The following DNAH11 variants were observed in gnomAD, a reference collection of about 807,000 sequenced individuals.
DNAH11 encodes the protein axonemal beta dynein heavy chain 11.
A neutral mutation model predicts 526.0 loss-of-function variants in DNAH11; 442 were observed. That is an observed-to-expected ratio of 0.84 (90% CI 0.78 to 0.91). DNAH11 has a LOEUF of 0.91. Ranked by LOEUF, DNAH11 falls within the 40% of genes least tolerant of loss-of-function variation. The pLI, the probability that DNAH11 is intolerant of heterozygous loss-of-function variation, is 0.00. For missense variants in DNAH11, 6,989 were observed against 5,448.7 expected (o/e 1.28, Z -8.90); for synonymous variants, 2,461 against 1,935.9 (o/e 1.27, Z -7.12).
At position 21,807,885 on chromosome 7, in the gene DNAH11, A is replaced by G; in HGVS notation, c.10168A>G (p.Lys3390Glu). 1 of 1,591,602 alleles carries G rather than the reference A, an allele frequency of 6.3e-7. No individual in the cohort carries two copies. Among genetic ancestry groups the G allele is most frequent in the Non-Finnish European group, 8.6e-7 (1 of 1,162,630 alleles). Residue 3390 changes from lysine (K) to glutamate (E), a missense_variant and splice_region_variant, in exon 63 of 82, where the codon AAG becomes GAG. Lys to Glu is a moderately conservative substitution (Grantham distance 56). Transcript: ENST00000409508. Reference sequence around the variant, plus strand: ...GAGTAATTTCATCTTTCAGTCAGAGAAGATTCGCTGGGGTCAATCCATTAA... The same window carrying G: ...GAGTAATTTCATCTTTCAGTCAGAGGAGATTCGCTGGGGTCAATCCATTAA... ...NRLVKELEAK[K>E]IRWGQSIKSF...
chr7:21,726,793 G>A lies in DNAH11; in HGVS notation c.7440+809G>A, dbSNP rs543944082. ...GGAGAGTCGCTTGAACCTGGGAGGC[G>A]GAGGTCGCGGTGAGCCGAGATCGCG... On this transcript the variant is annotated intron_variant, in intron 45 of 81. Transcript: ENST00000409508. 2.2e-3 allele frequency among the ~76,000 whole-genome samples: 310 copies of A among 138,488 alleles called. 1 individual carries two copies. Among genetic ancestry groups the A allele is most frequent in the African/African-American group, 7.9e-3 (289 of 36,790 alleles). 90.9% of individuals were successfully genotyped at this position (138,488 alleles called of 152,430 possible). A position where few individuals can be genotyped will look rare whatever the true frequency, so the allele number is the denominator to read the frequency against.
At chr7:21,604,995 G>A (rs1785228855) in intron 18 of DNAH11, among the ~76,000 whole-genome samples, 2 of 152,170 alleles carry the variant, frequency 1.3e-5, no homozygotes, top group South Asian at 2.1e-4. Context: ...TCACCAAATT[G>A]TCTCCCAACT....
At chr7:21,765,610 T>TCACACACACACACACACACACA (rs3219983) in intron 55 of DNAH11, 21 bp downstream of exon 55, 14 of 956,504 alleles carry the variant, frequency 1.5e-5, no homozygotes, top group Admixed American at 8.2e-5. Flanking sequence ...TCAGCCTGCG[T>TCACACACACACACACACACACA]CACACACACA....
intron 45 of DNAH11, 134 bp from the exon 46 acceptor site, chr7:21,735,506 C>G (rs1785562760): frequency 1.3e-6 from 1 of 766,884 alleles, no homozygotes; most frequent in African/African-American, 1.8e-5. Flanking sequence ...GGGTGCTAAT[C>G]TGAACTATGA....
chr7:21,861,908 T>G lies in DNAH11; in HGVS notation c.11258T>G (p.Met3753Arg). 6.2e-7 allele frequency: 1 copy of G among 1,613,592 alleles called. No individual in the cohort carries two copies. Among genetic ancestry groups the G allele is most frequent in the Non-Finnish European group, 8.5e-7 (1 of 1,179,738 alleles). Residue 3753 changes from methionine to arginine, a missense_variant, in exon 69 of 82, where the codon ATG becomes AGG. Met to Arg is a moderately conservative substitution (Grantham distance 91). Transcript: ENST00000409508. ...GAGCAGGCTGACAAGGTGGAAGACA[T>G]GCAGGGACGCATCTCTATCCTGATG... is the stretch of plus-strand genomic sequence containing the variant. ...AIEQADKVED[M>R]QGRISILMES...
intron 30 of DNAH11, among the ~76,000 whole-genome samples, chr7:21,675,414 G>A (rs548970622): frequency 6.6e-6 from 1 of 152,262 alleles, no homozygotes; most frequent in African/African-American, 2.4e-5. Context: ...CCTAAATCCT[G>A]CTCATTCTTT....
At chr7:21,757,165 A>G (rs1013393869) in intron 54 of DNAH11, among the ~76,000 whole-genome samples, 1 of 152,192 alleles carries the variant, frequency 6.6e-6, no homozygotes, top group Admixed American at 6.5e-5. Flanking sequence ...TAGACAGATC[A>G]TCTTTTGATT....
intron 5 of DNAH11, among the ~76,000 whole-genome samples, chr7:21,563,929 T>C (rs984109675): frequency 1.3e-5 from 2 of 152,088 alleles, no homozygotes; most frequent in Non-Finnish European, 2.9e-5. Context: ...TCCCCTTGGG[T>C]TTTCCATCAC....
chr7:21,755,562 A>C (rs1261642079), intron 54 of DNAH11, among the ~76,000 whole-genome samples: 1 of 152,168 alleles, frequency 6.6e-6, no homozygotes, highest in Non-Finnish European at 1.5e-5. Context: ...TGTTCATTGG[A>C]GAGAATTTAA....
At chr7:21,606,831 C>G (rs1785308479) in intron 20 of DNAH11, 98 bp downstream of exon 20, 1 of 1,068,876 alleles carries the variant, frequency 9.4e-7, no homozygotes, top group Non-Finnish European at 1.4e-6. Flanking sequence ...CTTTGTTTTG[C>G]TGTTATAGGA....
chr7:21,573,032 G>A (rs902506476), intron 8 of DNAH11, among the ~76,000 whole-genome samples: 1 of 152,164 alleles, frequency 6.6e-6, no homozygotes, highest in African/African-American at 2.4e-5. Flanking sequence ...GTGAGACTGA[G>A]CCTGCACAAG....
At chr7:21,688,689 TA>T (rs1783486334) in intron 34 of DNAH11, among the ~76,000 whole-genome samples, 1 of 152,224 alleles carries the variant, frequency 6.6e-6, no homozygotes, top group African/African-American at 2.4e-5. Flanking sequence ...CTCATCCCAA[TA>T]GGTTATACCT....
intron 65 of DNAH11, among the ~76,000 whole-genome samples, chr7:21,824,633 C>G (rs1790199111): frequency 6.6e-6 from 1 of 152,144 alleles, no homozygotes; most frequent in Non-Finnish European, 1.5e-5. Flanking sequence ...TCATCGGGAA[C>G]ATGCAAATCA....
Position 21,867,977 on chromosome 7 carries a change from G to A in DNAH11, c.11809G>A (p.Val3937Ile), listed in dbSNP as rs1458702017. 1.9e-6 allele frequency: 3 copies of A among 1,559,342 alleles called. No homozygotes were observed. Among genetic ancestry groups the A allele is most frequent in the South Asian group, 1.2e-5 (1 of 83,560 alleles). ...CATATTCTTCATCCTGTCTCCGGGG[G>A]TAGATGCCCTTAAAGACCTGGAGAT... ...TPIFFILSPGVDALKDLEILG... is the reference protein window; with the variant it reads ...TPIFFILSPGIDALKDLEILG... Residue 3937 changes from valine to isoleucine, a missense_variant, in exon 72 of 82, where the codon GTA becomes ATA. Val to Ile is a conservative substitution (Grantham distance 29). Coordinates refer to ENST00000409508, the MANE Select transcript of DNAH11 (RefSeq NM_001277115.2).
intron 69 of DNAH11, among the ~76,000 whole-genome samples, chr7:21,864,201 T>G (rs1783179385): frequency 6.6e-6 from 1 of 152,256 alleles, no homozygotes; most frequent in South Asian, 2.1e-4. Flanking sequence ...CACTGGAGGC[T>G]TTCTCATTTT....
intron 20 of DNAH11, among the ~76,000 whole-genome samples, chr7:21,614,751 T>G (rs568558052): frequency 6.6e-6 from 1 of 152,302 alleles, no homozygotes; most frequent in South Asian, 2.1e-4. Context: ...ATATAATTCA[T>G]TCTTACATGG....
chr7:21,687,678 G>A (rs905501196), intron 34 of DNAH11, among the ~76,000 whole-genome samples, 151 bp downstream of exon 34: 1 of 152,144 alleles, frequency 6.6e-6, no homozygotes, highest in East Asian at 1.9e-4. Context: ...ATTTTGAATA[G>A]TCTCCCATTT....
At chr7:21,680,303 T>G (rs1332269974) in intron 30 of DNAH11, among the ~76,000 whole-genome samples, 1 of 152,224 alleles carries the variant, frequency 6.6e-6, no homozygotes, top group Non-Finnish European at 1.5e-5. Context: ...TGCTAGCAGT[T>G]TGTCATTGAC....
chr7:21,848,124 A>G (rs55830228), intron 66 of DNAH11, among the ~76,000 whole-genome samples: 25,231 of 148,964 alleles, frequency 0.17, 4,545 homozygotes, highest in African/African-American at 0.45. Context: ...CTGGGATTGC[A>G]CCACTGCACT....
Sources: allele counts gnomAD v4.1 joint callset (sites outside exome capture counted in the v4.1 genomes callset), GRCh38; gene constraint gnomAD v4.1.1; transcripts MANE v1.5; gene names NCBI Gene and HGNC (gene_info 2026-07-23, HGNC 2026-07-21).